Variants in KIF6 observed in about 807,000 individuals in gnomAD.
KIF6 encodes kinesin-like protein KIF6.
In KIF6, 106 loss-of-function variants were observed where a neutral mutation model predicts 112.7. The observed-to-expected ratio is 0.94, with a 90% CI of 0.80 to 1.11. The LOEUF is 1.11. Ranked by LOEUF, KIF6 falls within the 50% of genes least tolerant of loss-of-function variation. KIF6 has a pLI of 0.00. For synonymous variants in KIF6, 339 were observed against 339.9 expected, an observed-to-expected ratio of 1.00 and a Z score of 0.03; for missense variants, 929 against 964.0, an observed-to-expected ratio of 0.96 and a Z score of 0.48.
intron 17 of KIF6, among the ~76,000 whole-genome samples, chr6:39,362,158 G>A (rs1424049671): frequency 1.3e-5 from 2 of 152,134 alleles, no homozygotes; most frequent in Non-Finnish European, 2.9e-5. Context: ...GAAAACCACC[G>A]TGGTCATATT....
intron 3 of KIF6, among the ~76,000 whole-genome samples, chr6:39,696,783 GACACAC>G (rs761120622): frequency 6.7e-6 from 1 of 149,964 alleles, no homozygotes; most frequent in East Asian, 1.9e-4. Context: ...GTAAATACTG[GACACAC>G]ACACACACAC....
chr6:39,462,412 A>G (rs929503524), intron 13 of KIF6, among the ~76,000 whole-genome samples: 4 of 152,024 alleles, frequency 2.6e-5, no homozygotes, highest in African/African-American at 9.7e-5. Flanking sequence ...TGAGACCCTG[A>G]TGACAATCAC....
chr6:39,449,024 G>A (rs540142404), intron 13 of KIF6, among the ~76,000 whole-genome samples: 5 of 152,196 alleles, frequency 3.3e-5, no homozygotes, highest in Middle Eastern at 6.8e-3. Context: ...CAGCTCTAGC[G>A]GCAACTCCTG....
At chr6:39,656,532 A>C (rs539268932) in intron 3 of KIF6, among the ~76,000 whole-genome samples, 10 of 152,312 alleles carry the variant, frequency 6.6e-5, no homozygotes, top group African/African-American at 2.4e-4. Context: ...GAGGCTTTCC[A>C]TAACCTGGAA....
At chr6:39,670,060 G>A (rs747707967) in intron 3 of KIF6, among the ~76,000 whole-genome samples, 4 of 152,102 alleles carry the variant, frequency 2.6e-5, no homozygotes, top group Non-Finnish European at 5.9e-5. Context: ...CCTTACACCC[G>A]TGACAACGCC....
chr6:39,330,334 A>G lies in KIF6; in HGVS notation c.*6198T>C, dbSNP rs569229060. The G allele has an allele frequency of 4.6e-5, 7 of 152,388 alleles. No homozygotes were observed. The East Asian group carries it at 7.7e-4, about 17-fold the overall frequency. 9.4% of individuals were successfully genotyped at this position (152,388 alleles called of 1,614,324 possible). A position where few individuals can be genotyped will look rare whatever the true frequency, so the allele number is the denominator to read the frequency against. Reference sequence around the variant, plus strand: ...CTGGACTATGTTAGGGGTGGCCTGCATGGATGACGTTGTTGGTCATGGCTG... The same window carrying G: ...CTGGACTATGTTAGGGGTGGCCTGCGTGGATGACGTTGTTGGTCATGGCTG... On this transcript the variant is annotated 3_prime_UTR_variant, in exon 23 of 23. Coordinates refer to ENST00000287152, the MANE Select transcript of KIF6 (RefSeq NM_145027.6).
chr6:39,690,247 T>C (rs1355942730), intron 3 of KIF6: 1 of 152,130 alleles, frequency 6.6e-6, no homozygotes, highest in Non-Finnish European at 1.5e-5. Flanking sequence ...AATAATATAT[T>C]ATAGTGAAAG....
At position 39,343,595 on chromosome 6, in the gene KIF6, G is replaced by A; in HGVS notation, c.2428+114C>T. 8.7e-7 allele frequency: 1 copy of A among 1,146,456 alleles called. No homozygotes were observed. Among genetic ancestry groups the A allele is most frequent in the Non-Finnish European group, 1.2e-6 (1 of 812,746 alleles). 71.0% of individuals were successfully genotyped at this position (1,146,456 alleles called of 1,614,324 possible). On this transcript the variant is annotated intron_variant, in intron 22 of 22. Transcript: ENST00000287152. This position sits in a 1 kb window ranked among gnomAD's most constrained non-coding sequence, Gnocchi z 4.1. ...TGTGACTGACAGGCAGGCCAGTCCT[G>A]TGGCTTCAGGAATATGCAGGAAACT...
intron 13 of KIF6, among the ~76,000 whole-genome samples, chr6:39,464,633 C>T (rs545841269): frequency 6.6e-6 from 1 of 152,318 alleles, no homozygotes; most frequent in African/African-American, 2.4e-5. Context: ...CCTGGCAGCT[C>T]ATCTCCACAG....
intron 15 of KIF6, among the ~76,000 whole-genome samples, chr6:39,411,000 G>T (rs1298279027): frequency 6.6e-6 from 1 of 152,196 alleles, no homozygotes; most frequent in African/African-American, 2.4e-5. Context: ...AAGCCTGCCA[G>T]CAGCTACTGT....
intron 13 of KIF6, among the ~76,000 whole-genome samples, chr6:39,473,248 A>T (rs1419500693): frequency 6.6e-6 from 1 of 152,200 alleles, no homozygotes; most frequent in Non-Finnish European, 1.5e-5. Context: ...CATCCCAGGC[A>T]TTCACAAAAA....
chr6:39,584,417 TAAAAAAAAAAAAAAAAAAAAAAAAAAA>T (rs61215070), intron 9 of KIF6, among the ~76,000 whole-genome samples: 6 of 46,064 alleles, frequency 1.3e-4, no homozygotes, highest in East Asian at 4.3e-4. Flanking sequence ...ACTCTGTCTC[TAAAAAAAAAAAAAAAAAAAAAAAAAAA>T]AAAAAAAAAA....
At chr6:39,491,772 C>T (rs544658014) in intron 13 of KIF6, among the ~76,000 whole-genome samples, 73 of 152,224 alleles carry the variant, frequency 4.8e-4, no homozygotes, top group Middle Eastern at 6.8e-3. Flanking sequence ...GGGAAGGAAA[C>T]TCTTTTTATG....
chr6:39,648,663 G>A (rs944559718), intron 3 of KIF6, among the ~76,000 whole-genome samples: 4 of 152,170 alleles, frequency 2.6e-5, no homozygotes, highest in East Asian at 3.9e-4. Context: ...GCTTCCTAAA[G>A]GTATGTTACT....
At chr6:39,707,731 C>A (rs779818240) in intron 3 of KIF6, among the ~76,000 whole-genome samples, 2 of 152,206 alleles carry the variant, frequency 1.3e-5, no homozygotes, top group Non-Finnish European at 2.9e-5. Context: ...TTAAAGATTT[C>A]TAATTTTTTC....
chr6:39,514,233 G>A (rs540825716), intron 13 of KIF6, among the ~76,000 whole-genome samples: 1 of 152,292 alleles, frequency 6.6e-6, no homozygotes, highest in South Asian at 2.1e-4. Flanking sequence ...TTTATAAAAT[G>A]TCTAGATCTA....
At chr6:39,366,585 G>T (rs545641219) in intron 16 of KIF6, among the ~76,000 whole-genome samples, 2 of 152,168 alleles carry the variant, frequency 1.3e-5, no homozygotes, top group Admixed American at 6.5e-5. Context: ...GCCTCTAAGT[G>T]GGGGGACATT....
chr6:39,371,591 T>C lies in KIF6; in HGVS notation c.1862-9073A>G, dbSNP rs577288573. On this transcript the variant is annotated intron_variant, in intron 16 of 22. Transcript: ENST00000287152. ...AACTTTTCCCTGTCTTGTCCAGGCCTAGGGACAGCAATGCTTCCTGCCTTG... is the reference window on the plus strand; with the variant it reads ...AACTTTTCCCTGTCTTGTCCAGGCCCAGGGACAGCAATGCTTCCTGCCTTG... 3.9e-5 allele frequency among the ~76,000 whole-genome samples: 6 copies of C among 152,298 alleles called. No individual in the cohort carries two copies. In the South Asian group the frequency reaches 1.2e-3, roughly 32 times the overall value.
chr6:39,703,253 A>G (rs1473104789), intron 3 of KIF6, among the ~76,000 whole-genome samples: 1 of 152,092 alleles, frequency 6.6e-6, no homozygotes, highest in East Asian at 1.9e-4. Context: ...TTTAGCAAGG[A>G]TGATTTCAAT....
Sources: allele counts gnomAD v4.1 joint callset (sites outside exome capture counted in the v4.1 genomes callset), GRCh38; gene constraint gnomAD v4.1.1; non-coding constraint Gnocchi (gnomAD v3.1); transcripts MANE v1.5; gene names NCBI Gene and HGNC (gene_info 2026-07-23, HGNC 2026-07-21).